KIAA1671: variants seen among roughly 807,000 people sequenced by gnomAD.
KIAA1671 encodes KIAA1671, also known as uncharacterized protein KIAA1671.
KIAA1671 carries 52 observed loss-of-function variants against 131.2 expected under a neutral mutation model. The observed-to-expected ratio is 0.40, with a 90% CI of 0.32 to 0.50. KIAA1671 has a LOEUF of 0.50. KIAA1671 is among the 20% of genes least tolerant of loss of function. The pLI is 0.73. For missense variants in KIAA1671, 2,360 were observed against 2,364.2 expected, an observed-to-expected ratio of 1.00 and a Z score of 0.04; for synonymous variants, 1,003 against 961.6, an observed-to-expected ratio of 1.04 and a Z score of -0.80.
intron 6 of KIAA1671, among the ~76,000 whole-genome samples, chr22:25,145,945 GA>G (rs11337979): frequency 0.61 from 83,059 of 135,098 alleles, 25,950 homozygotes; most frequent in African/African-American, 0.87. Flanking sequence ...ATCTCTAAAA[GA>G]AAAAAAAAAA....
chr22:25,117,913 C>T (rs985487445), intron 6 of KIAA1671, among the ~76,000 whole-genome samples: 8 of 151,806 alleles, frequency 5.3e-5, no homozygotes, highest in Admixed American at 1.3e-4. Context: ...CCGAGGCGGG[C>T]GGATCACCTG....
chr22:25,069,676 TG>T (rs767496667), intron 6 of KIAA1671, among the ~76,000 whole-genome samples: 7 of 152,146 alleles, frequency 4.6e-5, no homozygotes, highest in Non-Finnish European at 8.8e-5. Flanking sequence ...ACCCTCCTTC[TG>T]GGGGGATCAG....
At chr22:25,166,361 G>C (rs927932213) in intron 6 of KIAA1671, among the ~76,000 whole-genome samples, 2 of 152,174 alleles carry the variant, frequency 1.3e-5, no homozygotes, top group African/African-American at 4.8e-5. Flanking sequence ...AGGGCACACA[G>C]ATGGTTGTAT....
At chr22:25,010,385 G>A (rs1255612861) in intron 1 of KIAA1671, 1 of 151,998 alleles carries the variant, frequency 6.6e-6, no homozygotes, top group Non-Finnish European at 1.5e-5. Context: ...GTTTCGCTAT[G>A]TTGGCCAGGC....
At chr22:25,171,395 C>T (rs1933843637) in intron 7 of KIAA1671, among the ~76,000 whole-genome samples, 1 of 151,238 alleles carries the variant, frequency 6.6e-6, no homozygotes, top group African/African-American at 2.4e-5. Flanking sequence ...CAGAGCAAGA[C>T]TCCGTCTCAA....
chr22:25,144,811 G>A (rs1296010502), intron 6 of KIAA1671, among the ~76,000 whole-genome samples: 1 of 152,144 alleles, frequency 6.6e-6, no homozygotes, highest in East Asian at 1.9e-4. Context: ...TTCCCACCCT[G>A]AACCTCCTTC....
In KIAA1671 at chr22:25,038,956, CTG is replaced by C; in HGVS notation, c.1831_1832del (p.Trp611GlyfsTer5). ...CCAGAGGATGACCGGAGCTTCCAGA[CTG>C]TGTGGGCCACAGTATTTGAGCACCA... On this transcript the variant is annotated frameshift_variant, in exon 5 of 13. Coordinates refer to ENST00000358431, the MANE Select transcript of KIAA1671 (RefSeq NM_001145206.2). LOFTEE classifies it high-confidence loss of function. The C allele has an allele frequency of 6.4e-7, 1 of 1,551,790 alleles. No homozygotes were observed. Among genetic ancestry groups the C allele is most frequent in the Non-Finnish European group, 8.7e-7 (1 of 1,147,032 alleles).
chr22:25,112,680 A>T (rs1931428625), intron 6 of KIAA1671: 1 of 315,972 alleles, frequency 3.2e-6, no homozygotes, highest in African/African-American at 2.1e-5. Context: ...TTTTTGCTGG[A>T]GTCGACGTCT....
chr22:25,102,185 C>T (rs1486244242), intron 6 of KIAA1671, among the ~76,000 whole-genome samples: 2 of 152,230 alleles, frequency 1.3e-5, no homozygotes, highest in African/African-American at 4.8e-5. Flanking sequence ...TGTGAGGTTG[C>T]AGACGCTGTC....
At chr22:25,087,890 C>A (rs1014425204) in intron 6 of KIAA1671, among the ~76,000 whole-genome samples, 1 of 152,126 alleles carries the variant, frequency 6.6e-6, no homozygotes, top group South Asian at 2.1e-4. Context: ...GGGGAATGGG[C>A]GCCCCAGCCA....
rs541847990 is a variant in KIAA1671 at position 24,997,455 on chromosome 22, A to G, written c.-207-28178A>G. On this transcript the variant is annotated intron_variant, in intron 1 of 12. Coordinates refer to ENST00000358431, the MANE Select transcript of KIAA1671 (RefSeq NM_001145206.2). ...TTGCTTGAGAGGGGAAATTGCCGGT[A>G]TGAAAAACAATCATGACAAAGCTGA... is the stretch of plus-strand genomic sequence containing the variant. Among the ~76,000 whole-genome samples, 4 of 152,300 alleles carry G rather than the reference A, an allele frequency of 2.6e-5. No individual in the cohort carries two copies. In the East Asian group the frequency reaches 5.8e-4, roughly 22 times the overall value.
intron 6 of KIAA1671, among the ~76,000 whole-genome samples, chr22:25,148,830 A>C (rs1191671712): frequency 6.6e-6 from 1 of 152,196 alleles, no homozygotes; most frequent in Non-Finnish European, 1.5e-5. Flanking sequence ...CCTTCAGAGA[A>C]TGAACAGTGT....
At chr22:25,190,628 A>C in intron 11 of KIAA1671, 74 bp from the exon 12 acceptor site, 1 of 1,283,574 alleles carries the variant, frequency 7.8e-7, no homozygotes. Flanking sequence ...AGACAGTCGG[A>C]TACCACTCAG....
At chr22:25,011,629 CTTTTCTT>C (rs1451889366) in intron 1 of KIAA1671, 6 of 135,886 alleles carry the variant, frequency 4.4e-5, no homozygotes, top group African/African-American at 1.7e-4. Flanking sequence ...TCTTTCTTTT[CTTTTCTT>C]TTTTTTTTTT....
intron 5 of KIAA1671, chr22:25,048,984 T>C (rs1268382745): frequency 2.1e-6 from 1 of 475,290 alleles, no homozygotes; most frequent in Non-Finnish European, 3.8e-6. Context: ...TCCCAGATAG[T>C]TGAGGCTCAG....
intron 1 of KIAA1671, among the ~76,000 whole-genome samples, chr22:24,959,864 G>A (rs1217205327): frequency 2.0e-5 from 3 of 152,050 alleles, no homozygotes; most frequent in Admixed American, 6.6e-5. Context: ...ACGGCCGGGC[G>A]CGGTGGCTCA....
In KIAA1671 at chr22:25,029,469, C is replaced by T. The variant is rs1044758218; in HGVS notation, c.1470C>T (p.Ser490=). The change falls in exon 3 of 13, where the codon AGC becomes AGT. Residue 490 remains serine, a synonymous_variant. Transcript: ENST00000358431. Reference sequence around the variant, plus strand: ...GGATCAGAGGCTGGACTGCCGAGAGCTCAGAGGCTAAGCCCGAGGTCAGGA... The same window carrying T: ...GGATCAGAGGCTGGACTGCCGAGAGTTCAGAGGCTAAGCCCGAGGTCAGGA... ...QERIRGWTAE[S]SEAKPEVRRR... The T allele has an allele frequency of 1.4e-4, 217 of 1,551,260 alleles. No individual in the cohort carries two copies. The African/African-American group carries it at 2.7e-3, about 19-fold the overall frequency.
intron 6 of KIAA1671, among the ~76,000 whole-genome samples, chr22:25,118,138 CAAAAAAAAAA>C (rs56262467): frequency 8.5e-6 from 1 of 117,808 alleles, no homozygotes; most frequent in African/African-American, 3.2e-5. Context: ...AACTCTGTCT[CAAAAAAAAAA>C]AAAAAAAAAA....
intron 6 of KIAA1671, among the ~76,000 whole-genome samples, chr22:25,146,046 T>G (rs1932873665): frequency 6.6e-6 from 1 of 152,266 alleles, no homozygotes; most frequent in South Asian, 2.1e-4. Flanking sequence ...ATGAATGCAG[T>G]TCTCTTTAAA....
Sources: allele counts gnomAD v4.1 joint callset (sites outside exome capture counted in the v4.1 genomes callset), GRCh38; gene constraint gnomAD v4.1.1; transcripts MANE v1.5; gene names NCBI Gene and HGNC (gene_info 2026-07-23, HGNC 2026-07-21).